DACT1: variants seen among roughly 807,000 people sequenced by gnomAD.
DACT1 encodes the protein dapper homolog 1.
DACT1 carries 19 observed loss-of-function variants against 35.3 expected under a neutral mutation model. The observed-to-expected ratio is 0.54, with a 90% confidence interval of 0.38 to 0.79. The LOEUF is 0.79. Ranked by LOEUF, DACT1 falls within the 30% of genes least tolerant of loss-of-function variation. The pLI is 0.00. For synonymous variants in DACT1, 545 were observed against 466.7 expected (o/e 1.17, Z -2.16); for missense variants, 1,143 against 1,057.5 (o/e 1.08, Z -1.12).
chr14:58,646,046 C>G lies in DACT1; in HGVS notation c.1312C>G (p.Pro438Ala). ...RCSAIGTGESPKESAQLSGAS... is the reference protein window; with the variant it reads ...RCSAIGTGESAKESAQLSGAS... ...TTCCGCCATTGGGACAGGGGAGTCC[C>G]CTAAGGAAAGCGCTCAGCTCTCAGG... is the stretch of plus-strand genomic sequence containing the variant. The change falls in exon 4 of 4, where the codon CCT becomes GCT. Residue 438 changes from proline (P) to alanine (A), a missense_variant. By Grantham distance (27) the Pro-to-Ala change is conservative. Around this residue, in one of 3 missense-constraint regions of DACT1, gnomAD observed 1,054 missense variants for 958.8 expected, o/e 1.10. Transcript: ENST00000395153. The G allele has an allele frequency of 6.2e-7, 1 of 1,614,048 alleles. No individual in the cohort carries two copies. Among genetic ancestry groups the G allele is most frequent in the Non-Finnish European group, 8.5e-7 (1 of 1,179,990 alleles).
chr14:58,637,953 G>A, upstream of DACT1: 2 of 224,034 alleles, frequency 8.9e-6, no homozygotes, highest in Non-Finnish European at 1.7e-5. Flanking sequence ...ACGTAGCGCC[G>A]GGCAGGGCGT....
Position 58,638,565 on chromosome 14 carries a change from G to T in DACT1, c.345+18G>T. 1 of 1,329,830 alleles carries T rather than the reference G, an allele frequency of 7.5e-7. No individual in the cohort carries two copies. The highest frequency in any genetic ancestry group is 9.7e-7 in the Non-Finnish European group (1 of 1,033,334). 82.4% of individuals were successfully genotyped at this position (1,329,830 alleles called of 1,614,324 possible). On this transcript the variant is annotated intron_variant, in intron 1 of 3. Coordinates refer to ENST00000395153, the MANE Select transcript of DACT1 (RefSeq NM_001079520.2). ...AGCAATTGGTAGGTCGTGCCCGAAG[G>T]TGGAGCACGGCTGTTCCTGCCCAGG...
chr14:58,639,471 TCTAAA>T (rs1232171599), intron 1 of DACT1, among the ~76,000 whole-genome samples: 1 of 152,228 alleles, frequency 6.6e-6, no homozygotes, highest in Non-Finnish European at 1.5e-5. Context: ...AGTGATACTA[TCTAAA>T]CTAGACACAT....
chr14:58,647,230 TA>T lies in DACT1; in HGVS notation c.*98del. 1 of 1,384,534 alleles carries T rather than the reference TA, an allele frequency of 7.2e-7. No individual in the cohort carries two copies. Among genetic ancestry groups the T allele is most frequent in the Non-Finnish European group, 1.0e-6 (1 of 1,002,994 alleles). 85.8% of individuals were successfully genotyped at this position (1,384,534 alleles called of 1,614,324 possible). A position where few individuals can be genotyped will look rare whatever the true frequency, so the allele number is the denominator to read the frequency against. On this transcript the variant is annotated 3_prime_UTR_variant, in exon 4 of 4. Transcript: ENST00000395153. ...GTGTTTTCATTTTTGTATAATACTTTAATGGAATGCTTTTTAAAAAAATATA... is the reference window on the plus strand; with the variant it reads ...GTGTTTTCATTTTTGTATAATACTTTATGGAATGCTTTTTAAAAAAATATA...
chr14:58,645,769 C>T lies in DACT1; in HGVS notation c.1035C>T (p.Gly345=), dbSNP rs2047669573. The T allele has an allele frequency of 3.1e-6, 5 of 1,614,130 alleles. No individual in the cohort carries two copies. Among genetic ancestry groups the T allele is most frequent in the East Asian group, 2.2e-5 (1 of 44,890 alleles). ...RNGSVCVRAP[G]GVSQGNSVNL... ...GGAGCGTTTGTGTCAGAGCCCCGGG[C>T]GGTGTCTCACAGGGCAACAGTGTGA... Residue 345 remains glycine, a synonymous_variant, in exon 4 of 4, where the codon GGC becomes GGT. Transcript: ENST00000395153.
chr14:58,637,799 G>A (rs951481975), upstream of DACT1, among the ~76,000 whole-genome samples: 3 of 151,778 alleles, frequency 2.0e-5, no homozygotes, highest in African/African-American at 7.3e-5. Context: ...GGGGCGGGGA[G>A]GGCCGAGCGA....
At position 58,645,905 on chromosome 14, in the gene DACT1, G is replaced by C. The variant is rs761831818; in HGVS notation, c.1171G>C (p.Ala391Pro). The C allele has an allele frequency of 2.5e-6, 4 of 1,614,054 alleles. No individual in the cohort carries two copies. The highest frequency in any genetic ancestry group is 3.4e-6 in the Non-Finnish European group (4 of 1,180,052). The change falls in exon 4 of 4, where the codon GCC becomes CCC. Residue 391 changes from alanine (A) to proline (P), a missense_variant. Physicochemically the swap from Ala to Pro is conservative, Grantham distance 27. This residue lies in a region of DACT1 where 1,054 missense variants were observed against 958.8 expected (regional missense o/e 1.10). Transcript: ENST00000395153. ...GTCGAAAGAATCAAAGGCCGAACAA[G>C]CCGAAAGCAAGAGGGTGCCCCTGCC... is the stretch of plus-strand genomic sequence containing the variant. ...QWSKESKAEQ[A>P]ESKRVPLPEG... is the part of the protein sequence containing the mutation.
chr14:58,641,053 T>C (rs1232750159), intron 2 of DACT1, among the ~76,000 whole-genome samples, 185 bp downstream of exon 2: 1 of 152,164 alleles, frequency 6.6e-6, no homozygotes, highest in Non-Finnish European at 1.5e-5. Flanking sequence ...GACAACAAAA[T>C]TTTTAGTAAT....
chr14:58,641,648 G>T lies in DACT1; in HGVS notation c.535G>T (p.Val179Leu), dbSNP rs1595597431. Residue 179 changes from valine to leucine, a missense_variant, in exon 3 of 4, where the codon GTG becomes TTG. This residue lies in a region of DACT1 where 1,054 missense variants were observed against 958.8 expected (regional missense o/e 1.10). Transcript: ENST00000395153. The part of the protein sequence containing the change: ...SGSLSNSSNS[V>L]FSECLSSCHS... ...ATCCCTTTCCAATTCCTCTAACTCG[G>T]TGTTCAGTGAGTGTTTATCCAGTTG... The T allele has an allele frequency of 6.2e-7, 1 of 1,614,116 alleles. No homozygotes were observed. Among genetic ancestry groups the T allele is most frequent in the Non-Finnish European group, 8.5e-7 (1 of 1,179,992 alleles).
chr14:58,636,763 T>C (rs553209830), upstream of DACT1, among the ~76,000 whole-genome samples: 34 of 152,164 alleles, frequency 2.2e-4, no homozygotes, highest in Non-Finnish European at 4.0e-4. Context: ...TTCTTGGATG[T>C]ACTGCTTTTA....
Position 58,638,323 on chromosome 14 carries a change from C to A in DACT1, c.121C>A (p.Arg41=). The A allele has an allele frequency of 7.6e-7, 1 of 1,321,678 alleles. No homozygotes were observed. Among genetic ancestry groups the A allele is most frequent in the Admixed American group, 4.0e-5 (1 of 24,738 alleles). The allele number at this position is 1,321,678 out of a possible 1,614,324, so 81.9% of individuals were successfully genotyped here. A position where few individuals can be genotyped will look rare whatever the true frequency, so the allele number is the denominator to read the frequency against. The change falls in exon 1 of 4, where the codon CGG becomes AGG. Residue 41 remains arginine, a synonymous_variant. Transcript: ENST00000395153. ...GGAGAAGGGCGAGGCAGACACCGAG[C>A]GGCAGCGCACCCGGGAGCGGCAGGA... ...WREKGEADTE[R]QRTRERQEAT... is the part of the protein sequence containing the mutation.
chr14:58,636,946 CA>C (rs2047576377), upstream of DACT1, among the ~76,000 whole-genome samples: 1 of 152,144 alleles, frequency 6.6e-6, no homozygotes, highest in Admixed American at 6.5e-5. Context: ...AGAAAAGCTA[CA>C]ACTCATATCA....
rs763203257 is a variant in DACT1, at chr14:58,645,922, G to A, written c.1188G>A (p.Val396=). Residue 396 remains valine, a synonymous_variant, in exon 4 of 4, where the codon GTG becomes GTA. Coordinates refer to ENST00000395153, the MANE Select transcript of DACT1 (RefSeq NM_001079520.2). The part of the protein sequence containing the change: ...SKAEQAESKR[V]PLPEGCPSGA... ...CCGAACAAGCCGAAAGCAAGAGGGT[G>A]CCCCTGCCAGAGGGCTGCCCCTCAG... 1 of 1,614,004 alleles carries A rather than the reference G, an allele frequency of 6.2e-7. No individual in the cohort carries two copies. The highest frequency in any genetic ancestry group is 1.3e-5 in the African/African-American group (1 of 74,950).
At position 58,645,924 on chromosome 14, in the gene DACT1, C is replaced by T. The variant is rs766582645; in HGVS notation, c.1190C>T (p.Pro397Leu). 1 of 1,614,142 alleles carries T rather than the reference C, an allele frequency of 6.2e-7. No individual in the cohort carries two copies. The highest frequency in any genetic ancestry group is 2.2e-5 in the East Asian group (1 of 44,872). Residue 397 changes from proline to leucine, a missense_variant, in exon 4 of 4, where the codon CCC becomes CTC. Transcript: ENST00000395153. ...KAEQAESKRV[P>L]LPEGCPSGAA... is the part of the protein sequence containing the mutation. ...GAACAAGCCGAAAGCAAGAGGGTGCCCCTGCCAGAGGGCTGCCCCTCAGGC... is the reference window on the plus strand; with the variant it reads ...GAACAAGCCGAAAGCAAGAGGGTGCTCCTGCCAGAGGGCTGCCCCTCAGGC...
At position 58,646,208 on chromosome 14, in the gene DACT1, G is replaced by A. The variant is rs200689653; in HGVS notation, c.1474G>A (p.Ala492Thr). ...GGCCACTCCTCCCCTGCTGTCTACA[G>A]CTTTCCCCGTGGAAGAGAGGCCTGC... is the stretch of plus-strand genomic sequence containing the variant. ...PPATPPLLST[A>T]FPVEERPALD... Residue 492 changes from alanine (A) to threonine (T), a missense_variant, in exon 4 of 4, where the codon GCT becomes ACT. Ala to Thr is a moderately conservative substitution (Grantham distance 58, BLOSUM62 0). Coordinates refer to ENST00000395153, the MANE Select transcript of DACT1 (RefSeq NM_001079520.2). 6.9e-5 allele frequency: 111 copies of A among 1,613,716 alleles called. No individual in the cohort carries two copies. Among genetic ancestry groups the A allele is most frequent in the Middle Eastern group, 4.9e-4 (3 of 6,082 alleles).
chr14:58,645,532 T>C lies in DACT1; in HGVS notation c.798T>C (p.Ser266=). The change falls in exon 4 of 4, where the codon AGT becomes AGC. Residue 266 remains serine, a synonymous_variant. Transcript: ENST00000395153. ...REEDRLGNHA[S]DICGGSELDA... is the part of the protein sequence containing the mutation. ...AGGACAGGCTTGGAAACCATGCCAG[T>C]GACATTTGCGGTGGATCTGAGCTAG... 11 of 1,614,160 alleles carry C rather than the reference T, an allele frequency of 6.8e-6. No homozygotes were observed. The highest frequency in any genetic ancestry group is 9.3e-6 in the Non-Finnish European group (11 of 1,180,022).
At chr14:58,635,779 C>CT (rs1030287673), upstream of DACT1, among the ~76,000 whole-genome samples, 1 of 152,024 alleles carries the variant, frequency 6.6e-6, no homozygotes, top group Non-Finnish European at 1.5e-5. Flanking sequence ...TGTGTTTCAG[C>CT]TTTTTTTCCC....
At chr14:58,640,231 C>T (rs1350874996) in intron 1 of DACT1, among the ~76,000 whole-genome samples, 1 of 152,192 alleles carries the variant, frequency 6.6e-6, no homozygotes, top group Non-Finnish European at 1.5e-5. Flanking sequence ...TAGTTTCTCA[C>T]TTTCAAAGGC....
At position 58,638,094 on chromosome 14, in the gene DACT1, C is replaced by G; in HGVS notation, c.-109C>G. 8.8e-7 allele frequency: 1 copy of G among 1,135,158 alleles called. No individual in the cohort carries two copies. 70.3% of individuals were successfully genotyped at this position (1,135,158 alleles called of 1,614,324 possible). Reference sequence around the variant, plus strand: ...AGCCACCGTCCCCGCCAGCGCCGCGCCCCGCCACAGGGCGGCATGAGCCCA... The same window carrying G: ...AGCCACCGTCCCCGCCAGCGCCGCGGCCCGCCACAGGGCGGCATGAGCCCA... On this transcript the variant is annotated 5_prime_UTR_variant, in exon 1 of 4. Coordinates refer to ENST00000395153, the MANE Select transcript of DACT1 (RefSeq NM_001079520.2).
Sources: allele counts gnomAD v4.1 joint callset (sites outside exome capture counted in the v4.1 genomes callset), GRCh38; gene constraint gnomAD v4.1.1; regional missense constraint gnomAD v4.1.1; transcripts MANE v1.5; gene names NCBI Gene and HGNC (gene_info 2026-07-23, HGNC 2026-07-21).